SYAP1: variants seen among roughly 807,000 people sequenced by gnomAD.
SYAP1 encodes the protein synapse associated protein 1.
SYAP1 carries 3 observed loss-of-function variants against 29.6 expected under a neutral mutation model. The ratio of observed to expected loss-of-function variants is 0.10; its 90% CI spans 0.05 to 0.26. The LOEUF (loss-of-function observed/expected upper bound fraction) is 0.26. SYAP1 is among the 10% of genes least tolerant of loss of function. The probability of loss-of-function intolerance (pLI) is 1.00; values close to 1 mark genes in which losing one functional copy is unlikely to be tolerated. For missense variants in SYAP1, 217 were observed against 264.1 expected (o/e 0.82, Z 1.24); for synonymous variants, 102 against 102.7 (o/e 0.99, Z 0.04).
At chrX:16,743,931 A>G in intron 5 of SYAP1, 91 bp downstream of exon 5, 2 of 1,029,204 alleles carry the variant, frequency 1.9e-6, no homozygotes, top group Non-Finnish European at 2.6e-6. Context: ...AAGGGTCTCT[A>G]TCTGTTCATA....
chrX:16,759,279 C>T (rs1444043684), intron 8 of SYAP1, among the ~76,000 whole-genome samples: 5 of 107,947 alleles, frequency 4.6e-5, no homozygotes, highest in African/African-American at 1.0e-4. Context: ...GCAGGAGAAT[C>T]GCTTGAACCC....
chrX:16,726,951 CA>C (rs1382162557), intron 1 of SYAP1, among the ~76,000 whole-genome samples: 1 of 111,167 alleles, frequency 9.0e-6, no homozygotes, highest in Non-Finnish European at 1.9e-5. Flanking sequence ...CAGTGATTTC[CA>C]AATAGGAAAA....
intron 1 of SYAP1, among the ~76,000 whole-genome samples, chrX:16,727,510 A>C (rs1207298338): frequency 1.8e-5 from 2 of 110,905 alleles, no homozygotes; most frequent in Non-Finnish European, 3.8e-5. Context: ...TGTGCAGCTA[A>C]TTTCGTATTT....
At chrX:16,755,184 A>C in intron 6 of SYAP1, 91 bp downstream of exon 6, 3 of 943,535 alleles carry the variant, frequency 3.2e-6, no homozygotes, top group Non-Finnish European at 4.4e-6. Context: ...CAGAAATGTC[A>C]TTGCCTTAGG....
In SYAP1 at chrX:16,734,855, C is replaced by T. The variant is rs1009910513; in HGVS notation, c.176-372C>T. Among the ~76,000 whole-genome samples, 13 of 108,660 alleles carry T rather than the reference C, an allele frequency of 1.2e-4. No individual in the cohort carries two copies. The Admixed American group carries it at 1.2e-3, about 10-fold the overall frequency. The allele number at this position is 108,660 out of a possible 115,157, so 94.4% of individuals were successfully genotyped here. On this transcript the variant is annotated intron_variant, in intron 1 of 8. Coordinates refer to ENST00000380155, the MANE Select transcript of SYAP1 (RefSeq NM_032796.4). ...TACTAAAAATACCAAAAAAATTAGC[C>T]GGGCATGGTGGCAGGCGTCTGTAGT...
At chrX:16,734,853 G>A (rs1336578178) in intron 1 of SYAP1, among the ~76,000 whole-genome samples, 2 of 108,915 alleles carry the variant, frequency 1.8e-5, no homozygotes, top group Non-Finnish European at 3.8e-5. Flanking sequence ...AAAAAAATTA[G>A]CCGGGCATGG....
chrX:16,755,203 C>G, intron 6 of SYAP1, 110 bp downstream of exon 6: 1 of 794,819 alleles, frequency 1.3e-6, no homozygotes. Flanking sequence ...GGGAAAAATT[C>G]TTTTCTTCCC....
intron 1 of SYAP1, among the ~76,000 whole-genome samples, chrX:16,734,116 C>T (rs1926270043): frequency 9.0e-6 from 1 of 110,747 alleles, no homozygotes; most frequent in Non-Finnish European, 1.9e-5. Context: ...TGGTGGCTCA[C>T]GCCTGTAATC....
Position 16,761,444 on chromosome X carries a change from G to A in SYAP1, c.*1085G>A, listed in dbSNP as rs1047457941. 1 of 111,354 alleles carries A rather than the reference G, an allele frequency of 9.0e-6. No individual in the cohort carries two copies. The highest frequency in any genetic ancestry group is 3.3e-5 in the African/African-American group (1 of 30,632). 9.2% of individuals were successfully genotyped at this position (111,354 alleles called of 1,213,427 possible). On this transcript the variant is annotated 3_prime_UTR_variant, in exon 9 of 9. Coordinates refer to ENST00000380155, the MANE Select transcript of SYAP1 (RefSeq NM_032796.4). ...GTTTTAGCTTTGTCTTAAACTGTGAGTCTTCATAAAATTGTGTTCCTCCGA... is the reference window on the plus strand; with the variant it reads ...GTTTTAGCTTTGTCTTAAACTGTGAATCTTCATAAAATTGTGTTCCTCCGA...
In SYAP1 at chrX:16,736,075, A is replaced by G. The variant is rs1030524624; in HGVS notation, c.295-91A>G. ...TTTTGCAGTGGGCCTATGGCATTTCATTTATGTTGGTAGATATTTGAACTA... is the reference window on the plus strand; with the variant it reads ...TTTTGCAGTGGGCCTATGGCATTTCGTTTATGTTGGTAGATATTTGAACTA... On this transcript the variant is annotated intron_variant, in intron 2 of 8. Coordinates refer to ENST00000380155, the MANE Select transcript of SYAP1 (RefSeq NM_032796.4). 1.0e-5 allele frequency: 6 copies of G among 598,743 alleles called. No homozygotes were observed. In the African/African-American group the frequency reaches 1.3e-4, roughly 13 times the overall value. The allele number at this position is 598,743 out of a possible 1,213,427, so 49.3% of individuals were successfully genotyped here. A position where few individuals can be genotyped will look rare whatever the true frequency, so the allele number is the denominator to read the frequency against.
chrX:16,723,374 G>T (rs1926008606), intron 1 of SYAP1, among the ~76,000 whole-genome samples: 1 of 112,250 alleles, frequency 8.9e-6, no homozygotes, highest in Non-Finnish European at 1.9e-5. Flanking sequence ...TCGATTTGAA[G>T]AAGAAACTTA....
chrX:16,746,691 G>A (rs1019450649), intron 5 of SYAP1, among the ~76,000 whole-genome samples: 20 of 110,949 alleles, frequency 1.8e-4, no homozygotes, highest in Admixed American at 1.4e-3. Flanking sequence ...AGGTTCAAGC[G>A]ATTCTCCTGT....
chrX:16,730,326 C>G (rs1926179322), intron 1 of SYAP1, among the ~76,000 whole-genome samples: 1 of 112,696 alleles, frequency 8.9e-6, no homozygotes, highest in South Asian at 3.6e-4. Context: ...TGCGCTCCAG[C>G]CTGGGCGAAA....
At chrX:16,739,354 C>G (rs189583492) in intron 3 of SYAP1, among the ~76,000 whole-genome samples, 1 of 110,633 alleles carries the variant, frequency 9.0e-6, no homozygotes, top group Non-Finnish European at 1.9e-5. Context: ...TATGTCTTCC[C>G]TCTGACTCAG....
At chrX:16,754,870 G>T in intron 5 of SYAP1, 75 bp from the exon 6 acceptor site, 1 of 1,054,559 alleles carries the variant, frequency 9.5e-7, no homozygotes, top group South Asian at 1.9e-5. Flanking sequence ...TCTCAAATGT[G>T]TTCTTGTCTG....
At chrX:16,728,346 T>G (rs1382786905) in intron 1 of SYAP1, among the ~76,000 whole-genome samples, 1 of 111,758 alleles carries the variant, frequency 8.9e-6, no homozygotes, top group African/African-American at 3.3e-5. Context: ...TAGAGCTTTA[T>G]AGCTGATTAT....
rs1027711223 is a variant in SYAP1, at chrX:16,719,982, C to A, written c.175+83C>A. On this transcript the variant is annotated intron_variant, in intron 1 of 8. Coordinates refer to ENST00000380155, the MANE Select transcript of SYAP1 (RefSeq NM_032796.4). ...GGCCCTGGGGCGCGGGCCCGACTGGCTGGGGGATGAGGGGGCCGAGGTGGG... is the reference window on the plus strand; with the variant it reads ...GGCCCTGGGGCGCGGGCCCGACTGGATGGGGGATGAGGGGGCCGAGGTGGG... 3.6e-5 allele frequency: 36 copies of A among 1,002,740 alleles called. No individual in the cohort carries two copies. The East Asian group carries it at 1.2e-3, about 35-fold the overall frequency. 82.6% of individuals were successfully genotyped at this position (1,002,740 alleles called of 1,213,427 possible). A position where few individuals can be genotyped will look rare whatever the true frequency, so the allele number is the denominator to read the frequency against.
At chrX:16,732,136 A>G (rs1926221832) in intron 1 of SYAP1, among the ~76,000 whole-genome samples, 1 of 112,690 alleles carries the variant, frequency 8.9e-6, no homozygotes, top group African/African-American at 3.2e-5. Context: ...AGTAATTTTT[A>G]AAGCTAGCTT....
Position 16,736,240 on chromosome X carries a change from A to G in SYAP1, c.361+8A>G, listed in dbSNP as rs190900534. ...AACATACAAAGAAGTCAGGTATGGT[A>G]TAGGTTTGTCTTAATTAACCTGCCA... On this transcript the variant is annotated splice_region_variant and intron_variant, in intron 3 of 8. Transcript: ENST00000380155. 4 of 1,162,617 alleles carry G rather than the reference A, an allele frequency of 3.4e-6. No individual in the cohort carries two copies. Among genetic ancestry groups the G allele is most frequent in the South Asian group, 1.8e-5 (1 of 55,243 alleles).
Sources: allele counts gnomAD v4.1 joint callset (sites outside exome capture counted in the v4.1 genomes callset), GRCh38; gene constraint gnomAD v4.1.1; transcripts MANE v1.5; gene names NCBI Gene and HGNC (gene_info 2026-07-23, HGNC 2026-07-21).